GRIN2B: variants seen among roughly 807,000 people sequenced by gnomAD.
GRIN2B encodes the protein glutamate receptor ionotropic, NMDA 2B.
Under a neutral mutation model 114.5 loss-of-function variants are expected in GRIN2B, and 5 were observed. The observed-to-expected ratio is 0.04, with a 90% CI of 0.02 to 0.09. The LOEUF (loss-of-function observed/expected upper bound fraction) is 0.09. GRIN2B is among the 10% of genes least tolerant of loss of function. The pLI is 1.00. For synonymous variants in GRIN2B, 787 were observed against 745.1 expected (o/e 1.06, Z -0.92); for missense variants, 1,108 against 1,943.5 (o/e 0.57, Z 8.08).
intron 3 of GRIN2B, among the ~76,000 whole-genome samples, chr12:13,763,878 T>C (rs932443204): frequency 6.6e-6 from 1 of 152,206 alleles, no homozygotes; most frequent in African/African-American, 2.4e-5. Flanking sequence ...ATACTGAAAA[T>C]TGCTCTCCTT....
intron 3 of GRIN2B, among the ~76,000 whole-genome samples, chr12:13,768,390 C>A (rs1863840196): frequency 6.6e-6 from 1 of 152,192 alleles, no homozygotes; most frequent in African/African-American, 2.4e-5. Context: ...GCAAGTCTTT[C>A]ACCTATAACA....
chr12:13,968,959 A>C (rs1867834679), intron 2 of GRIN2B, among the ~76,000 whole-genome samples: 1 of 152,248 alleles, frequency 6.6e-6, no homozygotes, highest in Non-Finnish European at 1.5e-5. Flanking sequence ...ACATGATCAG[A>C]GAGAAGTAGA....
chr12:13,806,803 G>A (rs1017535938), intron 3 of GRIN2B, among the ~76,000 whole-genome samples: 2 of 151,948 alleles, frequency 1.3e-5, no homozygotes, highest in African/African-American at 2.4e-5. Context: ...GCCCAAATCA[G>A]TGTTATAAAG....
intron 3 of GRIN2B, among the ~76,000 whole-genome samples, chr12:13,804,528 T>C (rs1010875020): frequency 3.3e-5 from 5 of 152,120 alleles, no homozygotes; most frequent in African/African-American, 4.8e-5. Context: ...TCATATTTGG[T>C]TGTCCTGGTC....
intron 3 of GRIN2B, among the ~76,000 whole-genome samples, chr12:13,779,191 GCAC>G (rs1421220941): frequency 6.6e-6 from 1 of 152,098 alleles, no homozygotes; most frequent in East Asian, 1.9e-4. Context: ...TTACAGGTGT[GCAC>G]CACCACACCC....
Position 13,547,079 on chromosome 12 carries a change from GTTTCT to G in GRIN2B, c.*15699_*15703del, listed in dbSNP as rs1038653540. ...AAACCATGAAAAATTACTGTCAAGG[GTTTCT>G]TTTAACAGTCTGATAGTTTAGATAA... On this transcript the variant is annotated 3_prime_UTR_variant, in exon 14 of 14. Coordinates refer to ENST00000609686, the MANE Select transcript of GRIN2B (RefSeq NM_000834.5). 3 of 152,092 alleles carry G rather than the reference GTTTCT, an allele frequency of 2.0e-5. No individual in the cohort carries two copies. The highest frequency in any genetic ancestry group is 2.1e-4 in the South Asian group (1 of 4,834). 9.4% of individuals were successfully genotyped at this position (152,092 alleles called of 1,614,324 possible).
At chr12:13,683,787 T>C (rs1950152560) in intron 4 of GRIN2B, 1 of 152,214 alleles carries the variant, frequency 6.6e-6, no homozygotes, top group South Asian at 2.1e-4. Flanking sequence ...TCAACATATA[T>C]AAAGGACTTA....
intron 3 of GRIN2B, among the ~76,000 whole-genome samples, chr12:13,841,063 A>C (rs1865370346): frequency 6.6e-6 from 1 of 152,118 alleles, no homozygotes; most frequent in African/African-American, 2.4e-5. Flanking sequence ...ATATGACATG[A>C]TATTAACTCA....
chr12:13,704,374 C>T (rs1327088473), intron 4 of GRIN2B, among the ~76,000 whole-genome samples: 3 of 152,186 alleles, frequency 2.0e-5, no homozygotes, highest in Non-Finnish European at 2.9e-5. Flanking sequence ...GTGAAACACA[C>T]TGCTTGAATG....
At chr12:13,874,070 C>A (rs1358477824) in intron 2 of GRIN2B, among the ~76,000 whole-genome samples, 1 of 152,160 alleles carries the variant, frequency 6.6e-6, no homozygotes, top group Non-Finnish European at 1.5e-5. Context: ...CTAAGCCCCC[C>A]AGCTCCTGTA....
intron 3 of GRIN2B, among the ~76,000 whole-genome samples, chr12:13,822,689 A>G (rs1354406909): frequency 1.3e-5 from 2 of 152,106 alleles, no homozygotes; most frequent in Non-Finnish European, 2.9e-5. Context: ...CAAACAAGAA[A>G]CTTTGGTTAA....
At chr12:13,664,624 T>C (rs1287872439) in intron 5 of GRIN2B, among the ~76,000 whole-genome samples, 1 of 152,146 alleles carries the variant, frequency 6.6e-6, no homozygotes, top group Non-Finnish European at 1.5e-5. Flanking sequence ...GATGCAGCAA[T>C]GATGAATTTG....
chr12:13,968,372 C>T (rs968893488), intron 2 of GRIN2B, among the ~76,000 whole-genome samples: 8 of 152,286 alleles, frequency 5.3e-5, no homozygotes, highest in South Asian at 2.1e-4. Flanking sequence ...GTCCACAAAA[C>T]GACATCTTTA....
intron 5 of GRIN2B, among the ~76,000 whole-genome samples, chr12:13,670,013 TA>T (rs1950008723): frequency 6.6e-6 from 1 of 152,098 alleles, no homozygotes; most frequent in South Asian, 2.1e-4. Flanking sequence ...TCTGTTTTAC[TA>T]CATTTTCATT....
chr12:13,961,595 C>T (rs1867692949), intron 2 of GRIN2B, among the ~76,000 whole-genome samples: 1 of 152,088 alleles, frequency 6.6e-6, no homozygotes. Flanking sequence ...ACTAAATAAA[C>T]ACTTGTTTTA....
At chr12:13,756,040 C>T (rs766588542) in intron 3 of GRIN2B, among the ~76,000 whole-genome samples, 1 of 152,080 alleles carries the variant, frequency 6.6e-6, no homozygotes, top group African/African-American at 2.4e-5. Context: ...TTTATCCCCC[C>T]AGAGTCTCAC....
chr12:13,573,603 G>A (rs1405875142), intron 10 of GRIN2B, among the ~76,000 whole-genome samples: 1 of 125,426 alleles, frequency 8.0e-6, no homozygotes, highest in Non-Finnish European at 1.8e-5. Flanking sequence ...GATCATTGTA[G>A]CTGTGCTGTG....
At position 13,833,745 on chromosome 12, in the gene GRIN2B, CAG is replaced by C. The variant is rs555150464; in HGVS notation, c.411+32051_411+32052del. Reference sequence around the variant, plus strand: ...TCACTCCCATTCCTACCCCATTTTACAGATGCAGAAATGAAGGCCCCAGAGCA... The same window carrying C: ...TCACTCCCATTCCTACCCCATTTTACATGCAGAAATGAAGGCCCCAGAGCA... On this transcript the variant is annotated intron_variant, in intron 3 of 13. Coordinates refer to ENST00000609686, the MANE Select transcript of GRIN2B (RefSeq NM_000834.5). Among the ~76,000 whole-genome samples the C allele has an allele frequency of 4.8e-3, 735 of 152,310 alleles. 3 individuals are homozygous for C. The highest frequency in any genetic ancestry group is 0.013 in the South Asian group (64 of 4,824).
intron 5 of GRIN2B, among the ~76,000 whole-genome samples, chr12:13,660,215 A>C (rs879932119): frequency 1.3e-5 from 2 of 152,126 alleles, no homozygotes; most frequent in Non-Finnish European, 2.9e-5. Context: ...TTTAGCCCAT[A>C]ACTGGGGGAG....
Sources: allele counts gnomAD v4.1 joint callset (sites outside exome capture counted in the v4.1 genomes callset), GRCh38; gene constraint gnomAD v4.1.1; transcripts MANE v1.5; gene names NCBI Gene and HGNC (gene_info 2026-07-23, HGNC 2026-07-21).